Variants in PHF8 observed in about 807,000 individuals in gnomAD.
PHF8 encodes histone lysine demethylase PHF8.
In PHF8, 9 loss-of-function variants were observed where a neutral mutation model predicts 74.4. The ratio of observed to expected loss-of-function variants is 0.12; its 90% confidence interval spans 0.07 to 0.21. The LOEUF (loss-of-function observed/expected upper bound fraction) is 0.21, where lower values mean the gene tolerates loss of function less well. Among genes scored for constraint, PHF8 ranks in the 10% least tolerant of loss-of-function variants. The pLI is 1.00. For synonymous variants in PHF8, 311 were observed against 316.6 expected (o/e 0.98, Z 0.19); for missense variants, 478 against 816.6 (o/e 0.59, Z 5.05).
At chrX:54,022,485 G>A (rs1156325947) in intron 3 of PHF8, 118 bp from the exon 4 acceptor site, 2 of 563,012 alleles carry the variant, frequency 3.6e-6, no homozygotes, top group Admixed American at 2.4e-5. Flanking sequence ...AGCATCTGGA[G>A]TCAATGAGGC....
chrX:53,994,587 T>C (rs2065718498), intron 12 of PHF8, among the ~76,000 whole-genome samples: 1 of 112,893 alleles, frequency 8.9e-6, no homozygotes, highest in Non-Finnish European at 1.9e-5. Context: ...AATCTATCTC[T>C]AAGTCCTCTT....
At chrX:54,037,678 T>C (rs2066486953) in intron 2 of PHF8, among the ~76,000 whole-genome samples, 1 of 112,086 alleles carries the variant, frequency 8.9e-6, no homozygotes, top group Non-Finnish European at 1.9e-5. Context: ...ATGAAATGGG[T>C]CAATTCTCGG....
intron 19 of PHF8, among the ~76,000 whole-genome samples, chrX:53,960,975 A>T (rs1270353890): frequency 5.4e-5 from 6 of 110,581 alleles, no homozygotes; most frequent in Non-Finnish European, 9.4e-5. Context: ...GACAGGAAAA[A>T]TAAACCTGGA....
chrX:54,021,856 A>C (rs2066182692), intron 4 of PHF8, among the ~76,000 whole-genome samples: 1 of 111,480 alleles, frequency 9.0e-6, no homozygotes. Context: ...TTTTTAACTC[A>C]TTATTTTTGC....
In PHF8 at chrX:53,938,148, T is replaced by C; in HGVS notation, c.*1010A>G. The C allele has an allele frequency of 8.9e-7, 1 of 1,128,050 alleles. No individual in the cohort carries two copies. The highest frequency in any genetic ancestry group is 1.8e-5 in the African/African-American group (1 of 55,216). 93.0% of individuals were successfully genotyped at this position (1,128,050 alleles called of 1,213,427 possible). Reference sequence around the variant, plus strand: ...CAGGTGGAGAAAGAAGCATGAAAAGTTCCCGATGGAGGACCCAGGTGTGGG... The same window carrying C: ...CAGGTGGAGAAAGAAGCATGAAAAGCTCCCGATGGAGGACCCAGGTGTGGG... On this transcript the variant is annotated 3_prime_UTR_variant, in exon 22 of 22. Transcript: ENST00000338154.
At chrX:53,952,812 G>A (rs782449146) in intron 19 of PHF8, among the ~76,000 whole-genome samples, 127 of 106,674 alleles carry the variant, frequency 1.2e-3, no homozygotes, top group African/African-American at 4.3e-3. Context: ...GAACCCGGGA[G>A]GCAGAGCTTG....
Position 54,017,795 on chromosome X carries a change from G to A in PHF8, c.320C>T (p.Thr107Ile). 8.3e-7 allele frequency: 1 copy of A among 1,210,729 alleles called. No homozygotes were observed. Among genetic ancestry groups the A allele is most frequent in the Non-Finnish European group, 1.1e-6 (1 of 894,578 alleles). The change falls in exon 5 of 22, where the codon ACT (threonine) becomes ATT (isoleucine). Residue 107 changes from threonine (T) to isoleucine (I), a missense_variant. Coordinates refer to ENST00000338154, the MANE Select transcript of PHF8 (RefSeq NM_015107.3). ...GAATTCCACGGTCAGTTGATTTCCAGTGGGCTTCAGAATCACTTCATCTGA... is the reference window on the plus strand; with the variant it reads ...GAATTCCACGGTCAGTTGATTTCCAATGGGCTTCAGAATCACTTCATCTGA... ...DSSDEVILKP[T>I]GNQLTVEFLE... is the part of the protein sequence containing the mutation.
At chrX:54,001,704 C>T (rs1408300408) in intron 10 of PHF8, among the ~76,000 whole-genome samples, 1 of 111,138 alleles carries the variant, frequency 9.0e-6, no homozygotes, top group Non-Finnish European at 1.9e-5. Context: ...CACTCGAGGC[C>T]AGGAGTTTGA....
chrX:53,940,603 T>C, intron 20 of PHF8, 87 bp from the exon 21 acceptor site: 1 of 672,043 alleles, frequency 1.5e-6, no homozygotes, highest in Non-Finnish European at 2.3e-6. Context: ...ATGTCCAATA[T>C]GGTTGTGCAA....
At chrX:54,023,803 C>T (rs1175095911) in intron 2 of PHF8, among the ~76,000 whole-genome samples, 3 of 99,939 alleles carry the variant, frequency 3.0e-5, no homozygotes, top group African/African-American at 7.5e-5. Flanking sequence ...ATTGTGCTAC[C>T]GCACTCCAGC....
intron 8 of PHF8, among the ~76,000 whole-genome samples, chrX:54,003,792 C>T (rs2065860380): frequency 1.8e-5 from 2 of 112,149 alleles, no homozygotes; most frequent in African/African-American, 6.5e-5. Flanking sequence ...CCACCCCAGC[C>T]CTTGCTCTTT....
At chrX:54,010,624 A>G (rs368145564) in intron 8 of PHF8, among the ~76,000 whole-genome samples, 62 of 111,569 alleles carry the variant, frequency 5.6e-4, no homozygotes, top group African/African-American at 2.0e-3. Flanking sequence ...GTATTCATAT[A>G]AGACCTAATC....
In PHF8 at chrX:54,042,621, C is replaced by T; in HGVS notation, c.98+10G>A. On this transcript the variant is annotated intron_variant, in intron 2 of 21. Coordinates refer to ENST00000338154, the MANE Select transcript of PHF8 (RefSeq NM_015107.3). ...ACCGCACCCTGTGTAGCCTGGCCTG[C>T]CCTCCTTACCTGCCATGAAACCAGT... 8.3e-7 allele frequency: 1 copy of T among 1,202,735 alleles called. No individual in the cohort carries two copies. Among genetic ancestry groups the T allele is most frequent in the East Asian group, 3.0e-5 (1 of 33,703 alleles).
chrX:53,946,618 GA>G (rs1234393529), intron 19 of PHF8, among the ~76,000 whole-genome samples: 14 of 112,157 alleles, frequency 1.2e-4, no homozygotes, highest in African/African-American at 4.2e-4. Flanking sequence ...CAAAAAAGGG[GA>G]GAGTGCTCTA....
Position 53,982,174 on chromosome X carries a change from T to C in PHF8, c.2443+2740A>G, listed in dbSNP as rs1450219696. Among the ~76,000 whole-genome samples the C allele has an allele frequency of 1.8e-5, 2 of 111,875 alleles. 1 individual carries two copies. The highest frequency in any genetic ancestry group is 7.4e-4 in the South Asian group (2 of 2,710). On this transcript the variant is annotated intron_variant, in intron 18 of 21. Coordinates refer to ENST00000338154, the MANE Select transcript of PHF8 (RefSeq NM_015107.3). ...GTCAATGTGATTTGACTGCTCACAG[T>C]AGAGTGGGTGGCCAGGGGAACCTGG...
At chrX:54,020,499 A>AAT (rs1406622002) in intron 4 of PHF8, among the ~76,000 whole-genome samples, 1 of 111,838 alleles carries the variant, frequency 8.9e-6, no homozygotes, top group East Asian at 2.8e-4. Context: ...ATTGATCTCA[A>AAT]ATATATATTT....
chrX:53,985,501 G>A (rs1020490304), intron 17 of PHF8, among the ~76,000 whole-genome samples: 1 of 111,433 alleles, frequency 9.0e-6, no homozygotes, highest in African/African-American at 3.3e-5. Flanking sequence ...TCCCTGTTTA[G>A]GCATGCTGCA....
At chrX:53,986,786 T>A (rs1172666074) in intron 16 of PHF8, among the ~76,000 whole-genome samples, 4 of 110,155 alleles carry the variant, frequency 3.6e-5, no homozygotes, top group Non-Finnish European at 7.6e-5. Context: ...AAATTTTTTT[T>A]AAAGAATTAG....
At chrX:54,023,064 C>G (rs955109102) in intron 2 of PHF8, among the ~76,000 whole-genome samples, 1 of 111,845 alleles carries the variant, frequency 8.9e-6, no homozygotes, top group Non-Finnish European at 1.9e-5. Flanking sequence ...CAACCTCTGC[C>G]TCCTGGGTTC....
Sources: gnomAD v4.1 joint callset for allele counts (sites outside exome capture counted in the v4.1 genomes callset) on GRCh38, gnomAD v4.1.1 for gene constraint, MANE v1.5 for transcripts, NCBI Gene and HGNC (gene_info 2026-07-23, HGNC 2026-07-21) for gene names.